NXPH1: variants seen among roughly 807,000 people sequenced by gnomAD.
NXPH1 encodes neurexophilin-1.
NXPH1 carries 5 observed loss-of-function variants against 23.7 expected under a neutral mutation model. The ratio of observed to expected loss-of-function variants is 0.21; its 90% CI spans 0.11 to 0.44. The LOEUF is 0.44. NXPH1 is among the 20% of genes least tolerant of loss of function. The pLI is 0.99. For synonymous variants in NXPH1, 144 were observed against 122.2 expected (o/e 1.18, Z -1.18); for missense variants, 324 against 321.6 (o/e 1.01, Z -0.06).
At chr7:8,579,341 T>C (rs1043874553) in intron 2 of NXPH1, among the ~76,000 whole-genome samples, 1 of 150,910 alleles carries the variant, frequency 6.6e-6, no homozygotes, top group African/African-American at 2.5e-5. Context: ...AATCTAAGAT[T>C]CATGGAATTC....
chr7:8,633,215 G>A (rs888387990), intron 2 of NXPH1, among the ~76,000 whole-genome samples: 6 of 152,136 alleles, frequency 3.9e-5, no homozygotes, highest in African/African-American at 1.4e-4. Flanking sequence ...GGTGGATTAC[G>A]AGGTCAGGAG....
chr7:8,438,010 G>A (rs1428529000), intron 2 of NXPH1, among the ~76,000 whole-genome samples: 2 of 152,238 alleles, frequency 1.3e-5, no homozygotes, highest in Admixed American at 1.3e-4. Flanking sequence ...ACAGCTGATG[G>A]CTGTGACCCA....
At chr7:8,511,669 G>A (rs1388834895) in intron 2 of NXPH1, among the ~76,000 whole-genome samples, 3 of 152,226 alleles carry the variant, frequency 2.0e-5, no homozygotes, top group Non-Finnish European at 4.4e-5. Context: ...TGAACTTGTA[G>A]ACTATATGTC....
Position 8,665,915 on chromosome 7 carries a change from TTTC to T in NXPH1, c.55-85090_55-85088del, listed in dbSNP as rs1562447974. Among the ~76,000 whole-genome samples the T allele has an allele frequency of 1.8e-4, 4 of 21,776 alleles. 1 individual carries two copies. Among genetic ancestry groups the T allele is most frequent in the South Asian group, 2.9e-3 (1 of 346 alleles). 14.3% of individuals were successfully genotyped at this position (21,776 alleles called of 152,430 possible). ...TAGTTCTAAGAGGTTTTTTTTTCTT[TTTC>T]TTTTTTTTTTTTTTTTGAAGGAGTC... On this transcript the variant is annotated intron_variant, in intron 2 of 2. Coordinates refer to ENST00000405863, the MANE Select transcript of NXPH1 (RefSeq NM_152745.3).
chr7:8,671,884 G>C (rs1583224075), intron 2 of NXPH1, among the ~76,000 whole-genome samples: 1 of 152,158 alleles, frequency 6.6e-6, no homozygotes, highest in South Asian at 2.1e-4. Context: ...TCTTTTGGCT[G>C]TATAAATGTC....
chr7:8,684,441 T>A (rs1163102051), intron 2 of NXPH1, among the ~76,000 whole-genome samples: 17 of 152,182 alleles, frequency 1.1e-4, no homozygotes, highest in Admixed American at 1.1e-3. Flanking sequence ...CTGGTTTTAT[T>A]AATTCTTAGT....
chr7:8,743,140 T>C (rs1780394975), intron 2 of NXPH1, among the ~76,000 whole-genome samples: 1 of 152,212 alleles, frequency 6.6e-6, no homozygotes, highest in Non-Finnish European at 1.5e-5. Flanking sequence ...TGTTTGTTTG[T>C]TGGTTACTTA....
intron 2 of NXPH1, among the ~76,000 whole-genome samples, chr7:8,499,806 G>C (rs1296174043): frequency 1.3e-5 from 2 of 152,064 alleles, no homozygotes; most frequent in Non-Finnish European, 2.9e-5. Context: ...GGCCTCTGCA[G>C]CTGGACGAGC....
intron 2 of NXPH1, among the ~76,000 whole-genome samples, chr7:8,639,287 C>G (rs1285125289): frequency 6.6e-6 from 1 of 152,054 alleles, no homozygotes; most frequent in African/African-American, 2.4e-5. Flanking sequence ...TGATAGCTGC[C>G]TCTATATGGG....
chr7:8,544,524 C>A (rs1818171399), intron 2 of NXPH1, among the ~76,000 whole-genome samples: 1 of 151,588 alleles, frequency 6.6e-6, no homozygotes, highest in Non-Finnish European at 1.5e-5. Context: ...TGATCCCTAC[C>A]CGAAGACATC....
intron 2 of NXPH1, among the ~76,000 whole-genome samples, chr7:8,525,740 C>A (rs770177611): frequency 6.6e-6 from 1 of 152,210 alleles, no homozygotes; most frequent in Admixed American, 6.5e-5. Context: ...TGGCAGCTTC[C>A]ACGTGGTGTT....
At chr7:8,726,625 G>T (rs1358276641) in intron 2 of NXPH1, among the ~76,000 whole-genome samples, 2 of 149,686 alleles carry the variant, frequency 1.3e-5, no homozygotes, top group Non-Finnish European at 3.0e-5. Flanking sequence ...TGAGAATGAT[G>T]ATTTCCAATT....
At chr7:8,508,534 A>G (rs1466087041) in intron 2 of NXPH1, among the ~76,000 whole-genome samples, 1 of 152,082 alleles carries the variant, frequency 6.6e-6, no homozygotes, top group Non-Finnish European at 1.5e-5. Flanking sequence ...CAGCCTGGGG[A>G]GATAGTGTGT....
intron 2 of NXPH1, among the ~76,000 whole-genome samples, chr7:8,637,520 T>C (rs544877043): frequency 1.3e-5 from 2 of 152,308 alleles, no homozygotes; most frequent in East Asian, 3.9e-4. Flanking sequence ...CTACCGCACC[T>C]GGCCAAGAGA....
intron 2 of NXPH1, among the ~76,000 whole-genome samples, chr7:8,556,029 G>T (rs961094888): frequency 2.6e-5 from 4 of 151,760 alleles, no homozygotes; most frequent in South Asian, 4.2e-4. Context: ...AGGCTCTTGA[G>T]GGGAGGAACA....
chr7:8,591,846 C>CTTT (rs111935394), intron 2 of NXPH1, among the ~76,000 whole-genome samples: 60 of 140,924 alleles, frequency 4.3e-4, no homozygotes, highest in African/African-American at 1.3e-3. Flanking sequence ...GCTGAGGTTT[C>CTTT]TTTTTTTTTT....
intron 2 of NXPH1, among the ~76,000 whole-genome samples, chr7:8,488,780 G>C (rs1232133595): frequency 6.6e-6 from 1 of 152,156 alleles, no homozygotes; most frequent in African/African-American, 2.4e-5. Flanking sequence ...CAAAGCTTCT[G>C]AGGGTTAAAT....
intron 2 of NXPH1, among the ~76,000 whole-genome samples, chr7:8,479,274 C>A (rs1473617176): frequency 6.6e-6 from 1 of 152,090 alleles, no homozygotes; most frequent in East Asian, 1.9e-4. Flanking sequence ...TCATTAACTT[C>A]ATTGGTGGTG....
At chr7:8,599,299 G>A (rs1819301418) in intron 2 of NXPH1, among the ~76,000 whole-genome samples, 2 of 152,124 alleles carry the variant, frequency 1.3e-5, no homozygotes, top group Admixed American at 6.6e-5. Context: ...CAGCACTCAC[G>A]AAGGTCATTA....
Sources: gnomAD v4.1 joint callset for allele counts (sites outside exome capture counted in the v4.1 genomes callset) on GRCh38, gnomAD v4.1.1 for gene constraint, MANE v1.5 for transcripts, NCBI Gene and HGNC (gene_info 2026-07-23, HGNC 2026-07-21) for gene names.